TRIM5: variants seen among roughly 807,000 people sequenced by gnomAD.
The protein encoded by TRIM5 is tripartite motif containing 5.
A neutral mutation model predicts 35.6 loss-of-function variants in TRIM5; 31 were observed. The ratio of observed to expected loss-of-function variants is 0.87; its 90% CI spans 0.65 to 1.18. The LOEUF is 1.18. Ranked by LOEUF, TRIM5 falls within the 50% of genes most tolerant of loss-of-function variation. The probability of loss-of-function intolerance (pLI) is 0.00; values close to 1 mark genes in which losing one functional copy is unlikely to be tolerated. For synonymous variants in TRIM5, 243 were observed against 215.6 expected, an observed-to-expected ratio of 1.13 and a Z score of -1.11; for missense variants, 609 against 591.6, an observed-to-expected ratio of 1.03 and a Z score of -0.31.
chr11:5,655,302 G>T, the TRIM5 span, among the ~76,000 whole-genome samples: 86 of 151,666 alleles, frequency 5.7e-4, no homozygotes, highest in African/African-American at 2.1e-3. Context: ...GATAAATAAA[G>T]AAAAAGACTT....
the TRIM5 span, chr11:5,610,103 A>G: frequency 1.9e-6 from 3 of 1,610,272 alleles, no homozygotes; most frequent in Admixed American, 1.7e-5. Flanking sequence ...GGAGGAACCC[A>G]CAGTCAGCAG....
intron 4 of TRIM5, among the ~76,000 whole-genome samples, chr11:5,673,818 CA>C (rs1410532099): frequency 6.6e-6 from 1 of 151,692 alleles, no homozygotes; most frequent in Non-Finnish European, 1.5e-5. Context: ...CTGAATAACC[CA>C]AGAGTAAACC....
chr11:5,674,367 A>G (rs1590253438), intron 4 of TRIM5, among the ~76,000 whole-genome samples: 1 of 152,242 alleles, frequency 6.6e-6, no homozygotes. Context: ...GCATCTGGGT[A>G]TAACACAGAA....
At chr11:5,603,486 G>T in the TRIM5 span, 2 of 1,614,154 alleles carry the variant, frequency 1.2e-6, no homozygotes, top group Non-Finnish European at 1.7e-6. Context: ...GCTGCCCTGT[G>T]TGCCAGACCA....
At chr11:5,641,434 A>G in the TRIM5 span, 1 of 1,006,096 alleles carries the variant, frequency 9.9e-7, no homozygotes, top group Non-Finnish European at 1.3e-6. Flanking sequence ...GATATTAAGG[A>G]TGAGAGCTTT....
chr11:5,628,051 C>A, the TRIM5 span, among the ~76,000 whole-genome samples: 1 of 152,212 alleles, frequency 6.6e-6, no homozygotes. Flanking sequence ...CCCTTCTCTA[C>A]CTCCCTGACT....
chr11:5,660,874 C>G (rs71490142), downstream of TRIM5, among the ~76,000 whole-genome samples: 1 of 151,280 alleles, frequency 6.6e-6, no homozygotes, highest in African/African-American at 2.4e-5. Context: ...AACCCTGACT[C>G]TACTAAAAAT....
chr11:5,643,178 G>C, the TRIM5 span: 1 of 1,567,886 alleles, frequency 6.4e-7, no homozygotes, highest in Non-Finnish European at 8.6e-7. Flanking sequence ...ACCTAAATTT[G>C]AATCTTGTCC....
the TRIM5 span, among the ~76,000 whole-genome samples, chr11:5,614,828 A>G: frequency 1.3e-5 from 2 of 152,234 alleles, no homozygotes; most frequent in South Asian, 2.1e-4. Flanking sequence ...GACATATAAT[A>G]CATTTCATAA....
At chr11:5,603,518 G>T in the TRIM5 span, 1 of 1,614,078 alleles carries the variant, frequency 6.2e-7, no homozygotes, top group Non-Finnish European at 8.5e-7. Context: ...GGGAACCTGC[G>T]GCCTAATCGG....
chr11:5,645,710 G>C, the TRIM5 span: 1 of 164,780 alleles, frequency 6.1e-6, no homozygotes, highest in Non-Finnish European at 1.3e-5. Flanking sequence ...AGAGAGTGGG[G>C]ACAGAGGAGA....
chr11:5,673,981 T>A, intron 4 of TRIM5, among the ~76,000 whole-genome samples: 1 of 148,654 alleles, frequency 6.7e-6, no homozygotes. Flanking sequence ...CTTAGAAAAA[T>A]TAGAAAAGGA....
chr11:5,591,890 AG>A, the TRIM5 span, among the ~76,000 whole-genome samples: 2 of 144,984 alleles, frequency 1.4e-5, no homozygotes, highest in Non-Finnish European at 3.1e-5. Flanking sequence ...TGTGACCTTT[AG>A]CCCCGGGGGG....
chr11:5,599,972 A>T, the TRIM5 span, among the ~76,000 whole-genome samples: 1 of 152,184 alleles, frequency 6.6e-6, no homozygotes, highest in African/African-American at 2.4e-5. Flanking sequence ...AAGTGAGATG[A>T]TGTGGGTATG....
intron 4 of TRIM5, chr11:5,677,940 G>C (rs1164480349): frequency 6.3e-6 from 2 of 319,680 alleles, no homozygotes; most frequent in Non-Finnish European, 1.1e-5. Context: ...AGAATACAGA[G>C]AATAGGAACC....
At chr11:5,650,344 T>C in the TRIM5 span, among the ~76,000 whole-genome samples, 5 of 152,188 alleles carry the variant, frequency 3.3e-5, no homozygotes, top group Non-Finnish European at 7.3e-5. Flanking sequence ...TATGAACAAT[T>C]GGTTGCACTA....
chr11:5,634,699 TGAG>T, the TRIM5 span: 2 of 1,613,904 alleles, frequency 1.2e-6, no homozygotes, highest in Non-Finnish European at 1.7e-6. Flanking sequence ...TCCTAAATAA[TGAG>T]GAGCAGAGAG....
rs909212228 is a variant in TRIM5 at position 5,678,268 on chromosome 11, G to T, written c.680C>A (p.Ser227Tyr). The part of the protein sequence containing the change: ...SETEMVQQTQ[S>Y]LRELISDLEH... ...CAGATCTGAGATGAGCTCTCTCAGGGACTGGGTCTGCTGCACCATCTCAGT... is the reference window on the plus strand; with the variant it reads ...CAGATCTGAGATGAGCTCTCTCAGGTACTGGGTCTGCTGCACCATCTCAGT... Residue 227 changes from serine to tyrosine, a missense_variant, in exon 4 of 8, where the codon TCC (serine) becomes TAC (tyrosine). Transcript: ENST00000380034. 6.2e-7 allele frequency: 1 copy of T among 1,614,092 alleles called. No individual in the cohort carries two copies. Among genetic ancestry groups the T allele is most frequent in the Non-Finnish European group, 8.5e-7 (1 of 1,179,970 alleles).
chr11:5,604,922 C>G, the TRIM5 span: 10 of 435,770 alleles, frequency 2.3e-5, no homozygotes, highest in Admixed American at 8.0e-5. Context: ...TTTGGCTTTT[C>G]CCTTGCATTC....
Sources: allele counts gnomAD v4.1 joint callset (sites outside exome capture counted in the v4.1 genomes callset), GRCh38; gene constraint gnomAD v4.1.1; transcripts MANE v1.5; gene names NCBI Gene and HGNC (gene_info 2026-07-23, HGNC 2026-07-21).